The following CACNB2 variants were observed in gnomAD, a reference collection of about 807,000 sequenced individuals.
The protein encoded by CACNB2 is calcium voltage-gated channel auxiliary subunit beta 2, also known as voltage-dependent L-type calcium channel subunit beta-2.
CACNB2 carries 42 observed loss-of-function variants against 73.3 expected under a neutral mutation model. The ratio of observed to expected loss-of-function variants is 0.57; its 90% CI spans 0.45 to 0.74. CACNB2 has a LOEUF of 0.74. Among genes scored for constraint, CACNB2 ranks in the 30% least tolerant of loss-of-function variants. The probability of loss-of-function intolerance (pLI) is 0.00; values close to 1 mark genes in which losing one functional copy is unlikely to be tolerated. For missense variants in CACNB2, 940 were observed against 853.0 expected (o/e 1.10, Z -1.27); for synonymous variants, 348 against 310.3 (o/e 1.12, Z -1.28).
intron 2 of CACNB2, among the ~76,000 whole-genome samples, chr10:18,154,500 C>T (rs534622522): frequency 5.9e-5 from 9 of 151,974 alleles, no homozygotes; most frequent in Non-Finnish European, 8.8e-5. Flanking sequence ...TGGAGTCTCA[C>T]TCTGTCGCCC....
chr10:18,267,249 T>C (rs913530636), intron 2 of CACNB2, among the ~76,000 whole-genome samples: 6 of 152,330 alleles, frequency 3.9e-5, no homozygotes, highest in Admixed American at 2.0e-4. Flanking sequence ...AATCCTTAAT[T>C]TTTTTCAGAA....
At chr10:18,221,751 T>G (rs2035801020) in intron 2 of CACNB2, among the ~76,000 whole-genome samples, 1 of 152,220 alleles carries the variant, frequency 6.6e-6, no homozygotes, top group African/African-American at 2.4e-5. Context: ...CTTTATAAAT[T>G]CATTGCAAAA....
At chr10:18,497,421 G>GT (rs1035994658) in intron 3 of CACNB2, among the ~76,000 whole-genome samples, 1 of 151,832 alleles carries the variant, frequency 6.6e-6, no homozygotes, top group Non-Finnish European at 1.5e-5. Context: ...GGTTTGATTT[G>GT]TTTTTTTCTT....
At chr10:18,313,223 T>A (rs2040027391) in intron 2 of CACNB2, among the ~76,000 whole-genome samples, 1 of 151,488 alleles carries the variant, frequency 6.6e-6, no homozygotes, top group Admixed American at 6.6e-5. Flanking sequence ...CTGAGCAATA[T>A]TTTATGAATC....
intron 2 of CACNB2, among the ~76,000 whole-genome samples, chr10:18,190,959 G>C (rs989290274): frequency 4.6e-5 from 7 of 152,228 alleles, no homozygotes; most frequent in African/African-American, 1.7e-4. Flanking sequence ...CATTAGATTT[G>C]GTTTTGAAAG....
At chr10:18,452,960 T>A (rs1395058680) in intron 3 of CACNB2, among the ~76,000 whole-genome samples, 3 of 152,120 alleles carry the variant, frequency 2.0e-5, no homozygotes, top group Non-Finnish European at 4.4e-5. Flanking sequence ...AAAACCAAGA[T>A]AAAAATCTCA....
At chr10:18,451,392 T>G (rs1471490512) in intron 3 of CACNB2, among the ~76,000 whole-genome samples, 1 of 152,182 alleles carries the variant, frequency 6.6e-6, no homozygotes, top group Non-Finnish European at 1.5e-5. Flanking sequence ...ACCTGGCCCC[T>G]GCTCTGTTTC....
chr10:18,140,945 A>G, intron 1 of CACNB2, 89 bp downstream of exon 1: 2 of 1,531,512 alleles, frequency 1.3e-6, no homozygotes, highest in Non-Finnish European at 1.8e-6. Context: ...CACTGCAGGG[A>G]TCTCTAGCCT....
chr10:18,516,153 T>A (rs145781898), intron 7 of CACNB2, among the ~76,000 whole-genome samples: 1 of 151,916 alleles, frequency 6.6e-6, no homozygotes, highest in Non-Finnish European at 1.5e-5. Context: ...AGGCGGAGAT[T>A]GCAGTGAGCC....
intron 3 of CACNB2, among the ~76,000 whole-genome samples, chr10:18,448,444 T>C (rs1457963874): frequency 5.4e-5 from 7 of 129,586 alleles, no homozygotes; most frequent in Admixed American, 9.5e-5. Flanking sequence ...CATTGCACTC[T>C]AGCCTAGGCG....
intron 3 of CACNB2, among the ~76,000 whole-genome samples, chr10:18,429,030 CAT>C (rs2045749482): frequency 6.6e-6 from 1 of 152,194 alleles, no homozygotes; most frequent in South Asian, 2.1e-4. Context: ...ATTTCTTTCA[CAT>C]ATCAAAGATT....
At chr10:18,272,096 C>T (rs2038078680) in intron 2 of CACNB2, among the ~76,000 whole-genome samples, 1 of 151,694 alleles carries the variant, frequency 6.6e-6, no homozygotes. Flanking sequence ...CCAGAGTGTC[C>T]CATTGACTTC....
At chr10:18,462,979 G>C (rs1394737433) in intron 3 of CACNB2, among the ~76,000 whole-genome samples, 1 of 151,998 alleles carries the variant, frequency 6.6e-6, no homozygotes, top group Non-Finnish European at 1.5e-5. Flanking sequence ...GGCTGGTCTC[G>C]AACTCCTGAC....
At position 18,539,292 on chromosome 10, in the gene CACNB2, A is replaced by G. The variant is rs150320948; in HGVS notation, c.1551A>G (p.Glu517=). The G allele has an allele frequency of 1.2e-6, 2 of 1,613,932 alleles. No individual in the cohort carries two copies. The highest frequency in any genetic ancestry group is 1.7e-6 in the Non-Finnish European group (2 of 1,179,936). Reference sequence around the variant, plus strand: ...CTATCCGTTCTGCTTCCCAAGCTGAAGAAGAACCTAGTGTGGAACCAGTCA... The same window carrying G: ...CTATCCGTTCTGCTTCCCAAGCTGAGGAAGAACCTAGTGTGGAACCAGTCA... ...SAPIRSASQA[E]EEPSVEPVKK... The change falls in exon 14 of 14, where the codon GAA becomes GAG. Residue 517 remains glutamate, a synonymous_variant. Transcript: ENST00000324631.
chr10:18,280,623 C>T (rs983928066), intron 2 of CACNB2, among the ~76,000 whole-genome samples: 8 of 152,150 alleles, frequency 5.3e-5, no homozygotes, highest in Non-Finnish European at 1.0e-4. Flanking sequence ...GAACAGTACA[C>T]AGAATGTACA....
intron 2 of CACNB2, among the ~76,000 whole-genome samples, chr10:18,229,937 C>A (rs953206250): frequency 1.3e-5 from 2 of 152,144 alleles, no homozygotes; most frequent in African/African-American, 4.8e-5. Context: ...AAACTCGACA[C>A]CCACTTTCAA....
In CACNB2 at chr10:18,140,650, C is replaced by G; in HGVS notation, c.-87C>G. On this transcript the variant is annotated 5_prime_UTR_variant, in exon 1 of 14. Transcript: ENST00000324631. ...CCTGAGCCCTGGGCGGCCCCCAGAG[C>G]CGATCAGAGCGCGGGGAGGCGGGGG... is the stretch of plus-strand genomic sequence containing the variant. 3 of 1,231,192 alleles carry G rather than the reference C, an allele frequency of 2.4e-6. No homozygotes were observed. Among genetic ancestry groups the G allele is most frequent in the Non-Finnish European group, 1.2e-6 (1 of 862,082 alleles). The allele number at this position is 1,231,192 out of a possible 1,614,324, so 76.3% of individuals were successfully genotyped here. A position where few individuals can be genotyped will look rare whatever the true frequency, so the allele number is the denominator to read the frequency against.
At chr10:18,388,964 T>A (rs575007275) in intron 2 of CACNB2, among the ~76,000 whole-genome samples, 1 of 152,162 alleles carries the variant, frequency 6.6e-6, no homozygotes, top group Non-Finnish European at 1.5e-5. Context: ...ACAGAAAATA[T>A]GTATAAATCA....
intron 2 of CACNB2, among the ~76,000 whole-genome samples, chr10:18,330,698 T>TAG (rs2040764641): frequency 6.6e-6 from 1 of 152,128 alleles, no homozygotes; most frequent in South Asian, 2.1e-4. Flanking sequence ...AGATGGAGTC[T>TAG]TGCTCTGTTG....
Sources: allele counts gnomAD v4.1 joint callset (sites outside exome capture counted in the v4.1 genomes callset), GRCh38; gene constraint gnomAD v4.1.1; transcripts MANE v1.5; gene names NCBI Gene and HGNC (gene_info 2026-07-23, HGNC 2026-07-21).